Variants in AGBL4 observed in about 807,000 individuals in gnomAD.
AGBL4 encodes AGBL carboxypeptidase 4.
In AGBL4, 58 loss-of-function variants were observed where a neutral mutation model predicts 66.4. The ratio of observed to expected loss-of-function variants is 0.87; its 90% CI spans 0.71 to 1.09. The LOEUF (loss-of-function observed/expected upper bound fraction) is 1.09. Ranked by LOEUF, AGBL4 falls within the 50% of genes least tolerant of loss-of-function variation. The pLI is 0.00. For synonymous variants in AGBL4, 234 were observed against 222.9 expected (o/e 1.05, Z -0.44); for missense variants, 579 against 631.0 (o/e 0.92, Z 0.88).
intron 4 of AGBL4, among the ~76,000 whole-genome samples, chr1:49,194,860 C>G (rs1369809106): frequency 2.0e-5 from 3 of 147,038 alleles, no homozygotes; most frequent in African/African-American, 7.6e-5. Flanking sequence ...TTTTTTGAGT[C>G]AGGGTATTTC....
chr1:49,266,396 CAAA>C (rs201032639), intron 3 of AGBL4: 1 of 149,690 alleles, frequency 6.7e-6, no homozygotes, highest in African/African-American at 2.5e-5. Flanking sequence ...AAGATACAGA[CAAA>C]AAAAAAGCCT....
downstream of AGBL4, among the ~76,000 whole-genome samples, chr1:48,528,935 C>A (rs950567016): frequency 1.3e-5 from 2 of 152,002 alleles, no homozygotes; most frequent in South Asian, 4.1e-4. Context: ...TTATTTCAGC[C>A]TCACATGAGG....
chr1:49,135,159 G>A (rs1053921480), intron 4 of AGBL4, among the ~76,000 whole-genome samples: 1 of 151,912 alleles, frequency 6.6e-6, no homozygotes, highest in Non-Finnish European at 1.5e-5. Context: ...AGACCTAATG[G>A]TATAGATATA....
chr1:49,732,495 A>G (rs1649530702), intron 2 of AGBL4, among the ~76,000 whole-genome samples: 1 of 152,246 alleles, frequency 6.6e-6, no homozygotes, highest in South Asian at 2.1e-4. Context: ...CAAAGACTTC[A>G]AAGCATCTGT....
intron 2 of AGBL4, among the ~76,000 whole-genome samples, chr1:49,699,735 G>A (rs972007751): frequency 6.6e-6 from 1 of 151,880 alleles, no homozygotes; most frequent in Non-Finnish European, 1.5e-5. Context: ...GTTACCAGGG[G>A]CAGATGGTGG....
At chr1:49,966,665 G>A (rs147505478) in intron 1 of AGBL4, among the ~76,000 whole-genome samples, 25 of 152,212 alleles carry the variant, frequency 1.6e-4, no homozygotes, top group African/African-American at 6.0e-4. Context: ...GAGTGAGAAA[G>A]AGGATGATAC....
Position 48,956,352 on chromosome 1 carries a change from T to C in AGBL4, c.595-89122A>G, listed in dbSNP as rs537748373. Among the ~76,000 whole-genome samples, 8 of 152,340 alleles carry C rather than the reference T, an allele frequency of 5.3e-5. No homozygotes were observed. In the South Asian group the frequency reaches 1.7e-3, roughly 32 times the overall value. On this transcript the variant is annotated intron_variant, in intron 5 of 13. Transcript: ENST00000371839. ...AATCTTAATGTATTCAAAACTCCAG[T>C]GCTAATAGCAACAGACAAAATTGCT...
chr1:49,199,503 C>T (rs1025445273), intron 4 of AGBL4, among the ~76,000 whole-genome samples: 1 of 152,076 alleles, frequency 6.6e-6, no homozygotes, highest in Non-Finnish European at 1.5e-5. Flanking sequence ...CTGTATGTGC[C>T]TTTCTAGTGG....
At chr1:49,055,413 T>C (rs1644291412) in intron 4 of AGBL4, among the ~76,000 whole-genome samples, 1 of 152,084 alleles carries the variant, frequency 6.6e-6, no homozygotes, top group African/African-American at 2.4e-5. Flanking sequence ...TTATAAAATG[T>C]GCTCTAAGTT....
At chr1:49,511,640 C>T (rs1252032042) in intron 3 of AGBL4, among the ~76,000 whole-genome samples, 1 of 151,334 alleles carries the variant, frequency 6.6e-6, no homozygotes, top group Non-Finnish European at 1.5e-5. Context: ...ATTGAAGCTC[C>T]TTAGCTTGGC....
chr1:49,067,181 G>A (rs992060706), intron 4 of AGBL4, among the ~76,000 whole-genome samples: 3 of 152,122 alleles, frequency 2.0e-5, no homozygotes, highest in Admixed American at 6.5e-5. Context: ...GTTGGGCCTC[G>A]AGGAATAGAT....
intron 5 of AGBL4, among the ~76,000 whole-genome samples, chr1:48,913,391 G>T (rs1162904152): frequency 1.3e-5 from 2 of 152,192 alleles, no homozygotes; most frequent in Non-Finnish European, 2.9e-5. Context: ...TAGGAACTGG[G>T]ATGCACAGCA....
chr1:49,566,933 G>C (rs1644221193), intron 3 of AGBL4, among the ~76,000 whole-genome samples: 1 of 152,194 alleles, frequency 6.6e-6, no homozygotes, highest in Admixed American at 6.5e-5. Context: ...CTTGAGCTGT[G>C]GTGGGCTCCA....
intron 2 of AGBL4, among the ~76,000 whole-genome samples, chr1:49,758,772 C>T (rs1376025725): frequency 6.6e-6 from 1 of 151,514 alleles, no homozygotes; most frequent in Admixed American, 6.6e-5. Context: ...AAACTTTGGC[C>T]TTGGACTTTT....
chr1:49,947,978 A>ATTT (rs1655426401), intron 1 of AGBL4, among the ~76,000 whole-genome samples: 1 of 111,054 alleles, frequency 9.0e-6, no homozygotes, highest in East Asian at 2.3e-4. Flanking sequence ...ATATATTTAT[A>ATTT]AATATATATT....
At chr1:48,584,889 C>T (rs1412777855) in intron 11 of AGBL4, 1 of 152,190 alleles carries the variant, frequency 6.6e-6, no homozygotes, top group Non-Finnish European at 1.5e-5. Context: ...CTATGACAGG[C>T]ACTCAATATA....
At chr1:48,534,972 A>G (rs2148251845) in intron 12 of AGBL4, 56 bp from the exon 13 acceptor site, 1 of 1,482,890 alleles carries the variant, frequency 6.7e-7, no homozygotes, top group Non-Finnish European at 9.2e-7. Context: ...AGTAAATGGA[A>G]GTTGAAGAGG....
intron 6 of AGBL4, among the ~76,000 whole-genome samples, chr1:48,716,705 G>A (rs11205527): frequency 0.093 from 14,201 of 152,122 alleles, 2,077 homozygotes; most frequent in African/African-American, 0.31. Context: ...TAATTCAAAT[G>A]GTCCTCAGGA....
intron 1 of AGBL4, among the ~76,000 whole-genome samples, chr1:49,930,612 C>A (rs1282787510): frequency 6.6e-6 from 1 of 152,046 alleles, no homozygotes; most frequent in Non-Finnish European, 1.5e-5. Flanking sequence ...ATGAAGAACA[C>A]AAGGTTGGTT....
Sources: gnomAD v4.1 joint callset for allele counts (sites outside exome capture counted in the v4.1 genomes callset) on GRCh38, gnomAD v4.1.1 for gene constraint, MANE v1.5 for transcripts, NCBI Gene and HGNC (gene_info 2026-07-23, HGNC 2026-07-21) for gene names.